Variants in SYBU observed in about 807,000 individuals in gnomAD.
SYBU encodes GOLSYN A protein.
In SYBU, 21 loss-of-function variants were observed where a neutral mutation model predicts 35.9. The observed-to-expected ratio is 0.58, with a 90% confidence interval of 0.41 to 0.84. The LOEUF is 0.84. Among genes scored for constraint, SYBU ranks in the 40% least tolerant of loss-of-function variants. SYBU has a pLI of 0.00. For missense variants in SYBU, 768 were observed against 848.2 expected, an observed-to-expected ratio of 0.91 and a Z score of 1.17; for synonymous variants, 319 against 324.3, an observed-to-expected ratio of 0.98 and a Z score of 0.18.
chr8:109,671,139 A>G (rs1213285475), intron 1 of SYBU, among the ~76,000 whole-genome samples: 2 of 152,176 alleles, frequency 1.3e-5, no homozygotes, highest in African/African-American at 4.8e-5. Context: ...CCCCATAATA[A>G]TTCTTTCAGA....
rs947781585 is a variant in SYBU at position 109,584,381 on chromosome 8, A to T, written c.530+1679T>A. 3.3e-5 allele frequency among the ~76,000 whole-genome samples: 5 copies of T among 152,128 alleles called. No homozygotes were observed. The highest frequency in any genetic ancestry group is 9.7e-5 in the African/African-American group (4 of 41,438). ...CCTTGGAATTTAACCACAAACACTG[A>T]TTCCTTTGAAATATTTAAGTTGGCT... On this transcript the variant is annotated intron_variant, in intron 4 of 6. Transcript: ENST00000276646. This position sits in a 1 kb window ranked among gnomAD's most constrained non-coding sequence, Gnocchi z 4.0.
rs750745801 is a variant in SYBU at position 109,642,866 on chromosome 8, G to A, written c.91C>T (p.Arg31Trp). ...SRSRIPRLILRPHMPQQQHKV... is the reference protein window; with the variant it reads ...SRSRIPRLILWPHMPQQQHKV... ...TGCTGTTGTTGGGGCATATGGGGCC[G>A]AAGAATCAACCGGGGAATTCGGCTT... is the stretch of plus-strand genomic sequence containing the variant. Residue 31 changes from arginine to tryptophan, a missense_variant, in exon 2 of 7, where the codon CGG becomes TGG. Coordinates refer to ENST00000276646, the MANE Select transcript of SYBU (RefSeq NM_001099754.2). The A allele has an allele frequency of 3.1e-6, 5 of 1,603,490 alleles. No homozygotes were observed. The highest frequency in any genetic ancestry group is 1.3e-5 in the African/African-American group (1 of 74,426).
intron 1 of SYBU, among the ~76,000 whole-genome samples, chr8:109,655,796 C>T: frequency 6.6e-6 from 1 of 152,082 alleles, no homozygotes; most frequent in East Asian, 1.9e-4. Flanking sequence ...ATAACAAACT[C>T]AGGATAATGT....
At chr8:109,641,374 C>T (rs941076605) in intron 2 of SYBU, among the ~76,000 whole-genome samples, 18 of 152,314 alleles carry the variant, frequency 1.2e-4, no homozygotes, top group African/African-American at 4.1e-4. Flanking sequence ...AGCCAGGTAC[C>T]GTGTAAGGTG....
At chr8:109,658,471 G>C (rs1816437578) in intron 1 of SYBU, among the ~76,000 whole-genome samples, 3 of 152,312 alleles carry the variant, frequency 2.0e-5, no homozygotes, top group African/African-American at 4.8e-5. Context: ...CAAAGCCAGT[G>C]TTTTAAATGT....
rs138129774 is a variant in SYBU at position 109,674,998 on chromosome 8, C to T, written c.-129+5713G>A. ...GGATTAAGAAACTCACTAAAAACTGCACAACTACATGGAAACTGAACAACC... is the reference window on the plus strand; with the variant it reads ...GGATTAAGAAACTCACTAAAAACTGTACAACTACATGGAAACTGAACAACC... On this transcript the variant is annotated intron_variant, in intron 1 of 5. Transcript: ENST00000408889. Among the ~76,000 whole-genome samples the T allele has an allele frequency of 4.1e-4, 63 of 152,264 alleles. No individual in the cohort carries two copies. In the East Asian group the frequency reaches 0.012, roughly 28 times the overall value.
At chr8:109,664,462 C>A (rs1816685706) in intron 1 of SYBU, among the ~76,000 whole-genome samples, 2 of 152,174 alleles carry the variant, frequency 1.3e-5, no homozygotes, top group Admixed American at 1.3e-4. Flanking sequence ...CCTAAGAAAT[C>A]CTCCAGTAGA....
intron 1 of SYBU, among the ~76,000 whole-genome samples, chr8:109,669,156 C>T (rs1816874734): frequency 6.6e-6 from 1 of 151,862 alleles, no homozygotes; most frequent in Non-Finnish European, 1.5e-5. Flanking sequence ...TCCTGGCTAA[C>T]ACGGTGAAAC....
At chr8:109,616,302 G>A (rs372430648) in intron 3 of SYBU, among the ~76,000 whole-genome samples, 33 of 151,916 alleles carry the variant, frequency 2.2e-4, no homozygotes, top group East Asian at 1.4e-3. Context: ...GAGCCACCAC[G>A]CCCGGCCTAT....
intron 1 of SYBU, among the ~76,000 whole-genome samples, chr8:109,666,659 A>T (rs553881803): frequency 2.0e-5 from 3 of 152,232 alleles, no homozygotes; most frequent in Admixed American, 2.0e-4. Flanking sequence ...GATCACTTGC[A>T]TGCTAGTGGT....
At position 109,577,887 on chromosome 8, in the gene SYBU, C is replaced by T; in HGVS notation, c.865G>A (p.Glu289Lys). Reference protein sequence around the residue: ...RHLKTKLKESERRLHERESEI... With the variant: ...RHLKTKLKESKRRLHERESEI... ...ATTCACCTTTCATGGAGTCGGCGCT[C>T]AGATTCCTTCAGCTTGGTTTTGAGG... Residue 289 changes from glutamate to lysine, a missense_variant, in exon 6 of 7, where the codon GAG becomes AAG. Physicochemically the swap from Glu to Lys is moderately conservative, Grantham distance 56. Coordinates refer to ENST00000276646, the MANE Select transcript of SYBU (RefSeq NM_001099754.2). The T allele has an allele frequency of 1.2e-6, 2 of 1,613,450 alleles. No homozygotes were observed. Among genetic ancestry groups the T allele is most frequent in the Admixed American group, 1.7e-5 (1 of 59,924 alleles).
rs78492658 is a variant in SYBU at position 109,669,695 on chromosome 8, A to G, written c.-129+11016T>C. On this transcript the variant is annotated intron_variant, in intron 1 of 5. Transcript: ENST00000408889. ...AAATGTGATGCAGCCAGAGGCTACT[A>G]TTTCATAATAGAGAAGAATGTGTTC... is the stretch of plus-strand genomic sequence containing the variant. 3.3e-5 allele frequency among the ~76,000 whole-genome samples: 5 copies of G among 152,344 alleles called. No homozygotes were observed. The East Asian group carries it at 9.6e-4, about 29-fold the overall frequency.
chr8:109,640,029 A>G (rs1325032094), intron 2 of SYBU, among the ~76,000 whole-genome samples: 1 of 152,218 alleles, frequency 6.6e-6, no homozygotes, highest in Non-Finnish European at 1.5e-5. Context: ...CTGACAGCAC[A>G]GGAAGATGAA....
At chr8:109,661,020 C>A (rs1326689066) in intron 1 of SYBU, among the ~76,000 whole-genome samples, 1 of 152,050 alleles carries the variant, frequency 6.6e-6, no homozygotes, top group Admixed American at 6.6e-5. Flanking sequence ...TTAAAAGGAA[C>A]AAGGGAAACT....
rs367910259 is a variant in SYBU, at chr8:109,691,308, G to T, written c.-58+25C>A. ...CGTGTCCGCGGGCACTGACAGCAGA[G>T]ACCGCATAGGCGCCCCGGTCTTACC... On this transcript the variant is annotated intron_variant, in intron 1 of 7. Coordinates refer to the SYBU transcript ENST00000422135. This position sits in a 1 kb window ranked among gnomAD's most constrained non-coding sequence, Gnocchi z 4.7. 1.2e-3 allele frequency: 838 copies of T among 700,138 alleles called. 18 individuals carry two copies. In the South Asian group the frequency reaches 0.012, roughly 10 times the overall value. 43.4% of individuals were successfully genotyped at this position (700,138 alleles called of 1,614,324 possible).
chr8:109,635,760 G>C (rs573594022), intron 2 of SYBU, among the ~76,000 whole-genome samples: 1 of 152,120 alleles, frequency 6.6e-6, no homozygotes, highest in South Asian at 2.1e-4. Context: ...CTTCAAAGCA[G>C]GCAGACTCCA....
At chr8:109,590,090 A>T (rs1200964765) in intron 3 of SYBU, among the ~76,000 whole-genome samples, 1 of 152,040 alleles carries the variant, frequency 6.6e-6, no homozygotes, top group Non-Finnish European at 1.5e-5. Context: ...TTTTAAATGT[A>T]CAGGTCTCCA....
chr8:109,574,747 G>T lies in SYBU; in HGVS notation c.*159C>A. The T allele has an allele frequency of 1.4e-6, 1 of 736,720 alleles. No homozygotes were observed. Among genetic ancestry groups the T allele is most frequent in the Non-Finnish European group, 2.0e-6 (1 of 497,028 alleles). The allele number at this position is 736,720 out of a possible 1,614,324, so 45.6% of individuals were successfully genotyped here. ...CTCCATGCCTTTGAAGATACCTCCGGTTTTAAACAGTGAACAGGCTTCAAC... is the reference window on the plus strand; with the variant it reads ...CTCCATGCCTTTGAAGATACCTCCGTTTTTAAACAGTGAACAGGCTTCAAC... On this transcript the variant is annotated 3_prime_UTR_variant, in exon 7 of 7. Transcript: ENST00000276646.
intron 1 of SYBU, among the ~76,000 whole-genome samples, chr8:109,666,886 AT>A (rs1295145917): frequency 6.6e-6 from 1 of 152,194 alleles, no homozygotes; most frequent in Non-Finnish European, 1.5e-5. Flanking sequence ...TTACATTCAT[AT>A]GAGATTCTCT....
Sources: allele counts gnomAD v4.1 joint callset (sites outside exome capture counted in the v4.1 genomes callset), GRCh38; gene constraint gnomAD v4.1.1; non-coding constraint Gnocchi (gnomAD v3.1); transcripts MANE v1.5; gene names NCBI Gene and HGNC (gene_info 2026-07-23, HGNC 2026-07-21).